GSE1: variants seen among roughly 807,000 people sequenced by gnomAD.
The protein encoded by GSE1 is genetic suppressor element 1.
A neutral mutation model predicts 112.6 loss-of-function variants in GSE1; 32 were observed. The observed-to-expected ratio is 0.28, with a 90% confidence interval of 0.21 to 0.38. GSE1 has a LOEUF of 0.38. Ranked by LOEUF, GSE1 falls within the 10% of genes least tolerant of loss-of-function variation. GSE1 has a pLI of 1.00. For synonymous variants in GSE1, 1,115 were observed against 735.6 expected (o/e 1.52, Z -8.35); for missense variants, 2,348 against 1,699.2 (o/e 1.38, Z -6.71).
chr16:85,640,832 C>T (rs907903624), intron 2 of GSE1, among the ~76,000 whole-genome samples: 1 of 152,268 alleles, frequency 6.6e-6, no homozygotes, highest in Non-Finnish European at 1.5e-5. Context: ...GCGTCTGGAG[C>T]CCGTCTGTCT....
chr16:85,297,272 C>T (rs922627022), intron 1 of GSE1, among the ~76,000 whole-genome samples: 3 of 152,228 alleles, frequency 2.0e-5, no homozygotes, highest in African/African-American at 7.2e-5. Flanking sequence ...AATTGGGGCT[C>T]ACAGGGCCAG....
At chr16:85,205,599 C>T (rs1160599801) in intron 1 of GSE1, among the ~76,000 whole-genome samples, 1 of 151,992 alleles carries the variant, frequency 6.6e-6, no homozygotes. Flanking sequence ...ACTCATCCCC[C>T]ACAGCCCCTC....
rs72487997 is a variant in GSE1, at chr16:85,457,786, G to A, written c.2464+100143G>A. On this transcript the variant is annotated intron_variant, in intron 2 of 2. Coordinates refer to the GSE1 transcript ENST00000637419. Reference sequence around the variant, plus strand: ...TGGAGGGAGCCACCCTGAATGTGGGGAGAATATAACCAAGGCTTGGTGGTA... The same window carrying A: ...TGGAGGGAGCCACCCTGAATGTGGGAAGAATATAACCAAGGCTTGGTGGTA... Among the ~76,000 whole-genome samples, 261 of 152,346 alleles carry A rather than the reference G, an allele frequency of 1.7e-3. No homozygotes were observed. The East Asian group carries it at 0.021, about 13-fold the overall frequency.
intron 1 of GSE1, among the ~76,000 whole-genome samples, chr16:85,215,879 C>T (rs1270138918): frequency 6.6e-6 from 1 of 152,188 alleles, no homozygotes; most frequent in Non-Finnish European, 1.5e-5. Context: ...TGTTGCAGAA[C>T]AGGATCAGGT....
At chr16:85,390,892 G>A (rs1386512145) in intron 2 of GSE1, among the ~76,000 whole-genome samples, 4 of 152,202 alleles carry the variant, frequency 2.6e-5, no homozygotes, top group Admixed American at 6.5e-5. Flanking sequence ...TTGGAGATGC[G>A]TCATGCTGGC....
intron 2 of GSE1, among the ~76,000 whole-genome samples, chr16:85,646,942 G>C (rs547149608): frequency 6.6e-6 from 1 of 152,120 alleles, no homozygotes; most frequent in Admixed American, 6.5e-5. Flanking sequence ...GTTGGGGACA[G>C]GAGGACTCTT....
intron 2 of GSE1, among the ~76,000 whole-genome samples, chr16:85,522,699 G>A (rs2052228681): frequency 6.6e-6 from 1 of 152,166 alleles, no homozygotes. Context: ...GTGGGTGCTC[G>A]TGTGGGTGTC....
chr16:85,236,406 C>T (rs1048864185), intron 1 of GSE1, among the ~76,000 whole-genome samples: 4 of 152,246 alleles, frequency 2.6e-5, no homozygotes, highest in African/African-American at 7.2e-5. Context: ...GTCTGGGCCT[C>T]TGGCCCAGTG....
intron 1 of GSE1, among the ~76,000 whole-genome samples, chr16:85,632,185 A>G (rs2049591826): frequency 6.6e-6 from 1 of 152,202 alleles, no homozygotes; most frequent in Non-Finnish European, 1.5e-5. Context: ...CCAAGGGAAG[A>G]CAGGCTAGGT....
intron 1 of GSE1, among the ~76,000 whole-genome samples, chr16:85,567,772 G>T (rs151206826): frequency 6.6e-6 from 1 of 152,312 alleles, no homozygotes; most frequent in East Asian, 1.9e-4. Context: ...GCTCGGGCTG[G>T]AGTGTAGTGG....
chr16:85,438,617 C>T (rs962958807), intron 2 of GSE1, among the ~76,000 whole-genome samples: 1 of 152,178 alleles, frequency 6.6e-6, no homozygotes, highest in African/African-American at 2.4e-5. Flanking sequence ...AGGGAGTCAC[C>T]AGAATTCACA....
In GSE1 at chr16:85,338,299, T is replaced by C. The variant is rs1166999381; in HGVS notation, c.2284-19164T>C. 7.2e-5 allele frequency among the ~76,000 whole-genome samples: 11 copies of C among 152,362 alleles called. No homozygotes were observed. The East Asian group carries it at 2.1e-3, about 29-fold the overall frequency. On this transcript the variant is annotated intron_variant, in intron 1 of 2. Transcript: ENST00000637419. ...GGGTGCATTCAGCTGGTGAACCTCT[T>C]TCCTGCAATGGGGCCACCCTGAGTG...
chr16:85,226,732 G>A (rs1234062701), intron 1 of GSE1, among the ~76,000 whole-genome samples: 1 of 151,362 alleles, frequency 6.6e-6, no homozygotes, highest in Non-Finnish European at 1.5e-5. Context: ...GAGCCTCCCT[G>A]GGCTGCCTGT....
intron 2 of GSE1, among the ~76,000 whole-genome samples, chr16:85,452,623 G>A (rs2049718045): frequency 6.6e-6 from 1 of 152,264 alleles, no homozygotes; most frequent in South Asian, 2.1e-4. Context: ...CCCTGCCCCA[G>A]TGGGCCCAGG....
intron 1 of GSE1, among the ~76,000 whole-genome samples, chr16:85,291,797 A>C (rs955610968): frequency 2.6e-5 from 4 of 151,700 alleles, no homozygotes; most frequent in Admixed American, 6.6e-5. Flanking sequence ...GGGGCCCATA[A>C]CCTCCTGGTT....
intron 2 of GSE1, among the ~76,000 whole-genome samples, chr16:85,526,856 G>A (rs1349489123): frequency 1.3e-5 from 2 of 152,244 alleles, no homozygotes; most frequent in Admixed American, 1.3e-4. Flanking sequence ...TTGTTCCAGG[G>A]AGCTGCTAGT....
intron 1 of GSE1, among the ~76,000 whole-genome samples, chr16:85,347,382 C>T (rs551435388): frequency 3.3e-5 from 5 of 152,280 alleles, no homozygotes; most frequent in African/African-American, 1.2e-4. Context: ...CGGCTGGATT[C>T]CCCAGCAGCA....
rs1024152430 is a variant in GSE1, at chr16:85,388,742, G to C, written c.2464+31099G>C. Among the ~76,000 whole-genome samples, 4 of 152,104 alleles carry C rather than the reference G, an allele frequency of 2.6e-5. No homozygotes were observed. In the East Asian group the frequency reaches 7.7e-4, roughly 29 times the overall value. ...TGGATAGATGGGTGGATGGAAGGAA[G>C]GAAGGAAAGATGGAAAAAGGGCAGG... On this transcript the variant is annotated intron_variant, in intron 2 of 2. Transcript: ENST00000637419.
intron 1 of GSE1, among the ~76,000 whole-genome samples, chr16:85,179,760 G>C (rs562991908): frequency 1.3e-5 from 2 of 149,792 alleles, no homozygotes; most frequent in East Asian, 3.9e-4. Context: ...GAGGGGAGCT[G>C]TACTAAGAAT....
Sources: allele counts gnomAD v4.1 joint callset (sites outside exome capture counted in the v4.1 genomes callset), GRCh38; gene constraint gnomAD v4.1.1; transcripts MANE v1.5; gene names NCBI Gene and HGNC (gene_info 2026-07-23, HGNC 2026-07-21).